APBA2: variants seen among roughly 807,000 people sequenced by gnomAD.
The protein encoded by APBA2 is amyloid-beta A4 precursor protein-binding family A member 2.
A neutral mutation model predicts 75.0 loss-of-function variants in APBA2; 30 were observed. The observed-to-expected ratio is 0.40, with a 90% CI of 0.30 to 0.54. The LOEUF is 0.54. Ranked by LOEUF, APBA2 falls within the 20% of genes least tolerant of loss-of-function variation. APBA2 has a pLI of 0.49. For synonymous variants in APBA2, 444 were observed against 409.6 expected (o/e 1.08, Z -1.01); for missense variants, 801 against 1,016.1 (o/e 0.79, Z 2.88).
chr15:28,922,785 T>C (rs1156562426), intron 2 of APBA2, among the ~76,000 whole-genome samples: 2 of 152,204 alleles, frequency 1.3e-5, no homozygotes, highest in Non-Finnish European at 2.9e-5. Flanking sequence ...TGTTCCTGCC[T>C]CTCAACCCAG....
Position 29,106,745 on chromosome 15 carries a change from G to A in APBA2, c.1843G>A (p.Gly615Arg). 1 of 1,612,992 alleles carries A rather than the reference G, an allele frequency of 6.2e-7. No homozygotes were observed. The highest frequency in any genetic ancestry group is 8.5e-7 in the Non-Finnish European group (1 of 1,179,978). Reference protein sequence around the residue: ...PAARSGKLSIGDQIMSINGTS... With the variant: ...PAARSGKLSIRDQIMSINGTS... ...TGCCCGCTCGGGGAAGCTGAGCATC[G>A]GGGACCAGATCATGTCCATCAATGG... is the stretch of plus-strand genomic sequence containing the variant. The change falls in exon 12 of 15, where the codon GGG becomes AGG. Residue 615 changes from glycine to arginine, a missense_variant. By Grantham distance (125) the Gly-to-Arg change is moderately radical. This residue lies in a region of APBA2 where 367 missense variants were observed against 544.5 expected (regional missense o/e 0.67). Coordinates refer to ENST00000683413, the MANE Select transcript of APBA2 (RefSeq NM_001353788.2).
intron 1 of APBA2, among the ~76,000 whole-genome samples, chr15:28,888,437 G>C (rs2031900887): frequency 6.6e-6 from 1 of 152,210 alleles, no homozygotes; most frequent in South Asian, 2.1e-4. Context: ...CTGTTGGAGT[G>C]GGGAGAGTGG....
chr15:29,113,646 G>A (rs146925557), intron 13 of APBA2, among the ~76,000 whole-genome samples: 5 of 152,304 alleles, frequency 3.3e-5, no homozygotes, highest in African/African-American at 9.6e-5. Context: ...AGGTTCCACC[G>A]TGGGAGTCAG....
intron 3 of APBA2, among the ~76,000 whole-genome samples, chr15:29,000,001 T>C (rs2038758359): frequency 6.6e-6 from 1 of 152,092 alleles, no homozygotes; most frequent in African/African-American, 2.4e-5. Context: ...AGAGAGTGAA[T>C]TCAACCCTCC....
intron 11 of APBA2, 121 bp from the exon 12 acceptor site, chr15:29,106,486 C>T: frequency 8.6e-7 from 1 of 1,163,850 alleles, no homozygotes; most frequent in Non-Finnish European, 1.2e-6. Flanking sequence ...ATGAGCCAGC[C>T]TTGGATCCCA....
intron 4 of APBA2, among the ~76,000 whole-genome samples, chr15:29,055,186 C>T (rs541917717): frequency 6.2e-4 from 94 of 152,262 alleles, no homozygotes; most frequent in Middle Eastern, 3.4e-3. Flanking sequence ...GCCCCTCAAT[C>T]CTCAGGGGTG....
intron 2 of APBA2, among the ~76,000 whole-genome samples, chr15:28,969,182 T>G (rs560636757): frequency 7.2e-6 from 1 of 138,746 alleles, no homozygotes; most frequent in Non-Finnish European, 1.5e-5. Context: ...CTTTCTTTCT[T>G]TTTTTTATTT....
At chr15:29,001,059 T>C (rs1163675142) in intron 3 of APBA2, among the ~76,000 whole-genome samples, 1 of 152,000 alleles carries the variant, frequency 6.6e-6, no homozygotes, top group Non-Finnish European at 1.5e-5. Context: ...TAGGTGGACA[T>C]CTGAGTCCAC....
chr15:29,085,985 G>A (rs1566989517), intron 6 of APBA2, among the ~76,000 whole-genome samples: 1 of 152,154 alleles, frequency 6.6e-6, no homozygotes, highest in Non-Finnish European at 1.5e-5. Flanking sequence ...CCTGTGTGGG[G>A]GATGGACTTA....
chr15:29,105,456 C>T lies in APBA2; in HGVS notation c.1602C>T (p.Asn534=), dbSNP rs2044348427. The change falls in exon 11 of 15, where the codon AAC becomes AAT. Residue 534 remains asparagine, a synonymous_variant. Coordinates refer to ENST00000683413, the MANE Select transcript of APBA2 (RefSeq NM_001353788.2). The part of the protein sequence containing the change: ...YQEFLRANGI[N]PEDLSQKEYS... ...AGTTCCTGCGAGCCAATGGCATCAA[C>T]CCCGAAGACTTGAGCCAGAAGGAAT... 1 of 1,613,812 alleles carries T rather than the reference C, an allele frequency of 6.2e-7. No homozygotes were observed. The highest frequency in any genetic ancestry group is 8.5e-7 in the Non-Finnish European group (1 of 1,180,046).
chr15:29,092,894 C>T (rs2043646216), intron 6 of APBA2, among the ~76,000 whole-genome samples, 181 bp from the exon 7 acceptor site: 1 of 152,172 alleles, frequency 6.6e-6, no homozygotes, highest in South Asian at 2.1e-4. Context: ...TTACTTGCAG[C>T]ACGGGGTAGT....
At chr15:28,980,537 C>G (rs2037566108) in intron 2 of APBA2, among the ~76,000 whole-genome samples, 1 of 152,142 alleles carries the variant, frequency 6.6e-6, no homozygotes, top group Admixed American at 6.5e-5. Context: ...TGAAAGAAAT[C>G]AGAGATGACA....
intron 3 of APBA2, among the ~76,000 whole-genome samples, chr15:29,031,929 C>A (rs575428058): frequency 1.7e-3 from 254 of 152,366 alleles, no homozygotes; most frequent in African/African-American, 6.0e-3. Flanking sequence ...GCAGGCCATG[C>A]ACAGGATGCT....
Position 29,106,597 on chromosome 15 carries a change from C to A in APBA2, c.1705-10C>A. On this transcript the variant is annotated splice_polypyrimidine_tract_variant and intron_variant, in intron 11 of 14. Transcript: ENST00000683413. ...CGCCAGCCCCTCTCACACTGCTGAT[C>A]CCTTTGCAGCTGCAGCTGGAGAAGC... 5.0e-6 allele frequency: 8 copies of A among 1,613,102 alleles called. No homozygotes were observed. Among genetic ancestry groups the A allele is most frequent in the Non-Finnish European group, 6.8e-6 (8 of 1,179,990 alleles).
intron 13 of APBA2, 148 bp from the exon 14 acceptor site, chr15:29,113,728 G>C (rs753439952): frequency 4.0e-6 from 4 of 988,498 alleles, no homozygotes; most frequent in Non-Finnish European, 6.0e-6. Context: ...CATATCATAA[G>C]GATCTCTGTC....
In APBA2 at chr15:29,054,653, G is replaced by C; in HGVS notation, c.769G>C (p.Gly257Arg). 7 of 1,614,104 alleles carry C rather than the reference G, an allele frequency of 4.3e-6. No homozygotes were observed. The highest frequency in any genetic ancestry group is 5.9e-6 in the Non-Finnish European group (7 of 1,180,018). The part of the protein sequence containing the change: ...EASPEHGPEP[G>R]PEDSVEACPP... ...CAGCCCCGAGCATGGGCCTGAGCCA[G>C]GGCCTGAGGACTCTGTAGAGGCCTG... is the stretch of plus-strand genomic sequence containing the variant. Residue 257 changes from glycine to arginine, a missense_variant, in exon 4 of 15, where the codon GGG becomes CGG. Gly to Arg is a moderately radical substitution (Grantham distance 125, BLOSUM62 -2). Coordinates refer to ENST00000683413, the MANE Select transcript of APBA2 (RefSeq NM_001353788.2). This position sits in a 1 kb window ranked among gnomAD's most constrained non-coding sequence, Gnocchi z 6.1.
intron 1 of APBA2, among the ~76,000 whole-genome samples, chr15:28,914,279 T>C (rs946595273): frequency 6.6e-6 from 1 of 152,148 alleles, no homozygotes; most frequent in Non-Finnish European, 1.5e-5. Flanking sequence ...GCAGCTCACC[T>C]CCGAGCCTGG....
Position 29,095,610 on chromosome 15 carries a change from TA to T in APBA2, c.1251+1300del, listed in dbSNP as rs556969170. ...TTATTGCCCACTGTTTTCTTCTGTT[TA>T]AACAGCAGGAGATTTAGTTCCCCCT... is the stretch of plus-strand genomic sequence containing the variant. On this transcript the variant is annotated intron_variant, in intron 8 of 14. Coordinates refer to ENST00000683413, the MANE Select transcript of APBA2 (RefSeq NM_001353788.2). Among the ~76,000 whole-genome samples, 19 of 152,342 alleles carry T rather than the reference TA, an allele frequency of 1.2e-4. No homozygotes were observed. The South Asian group carries it at 3.9e-3, about 32-fold the overall frequency.
rs151295064 is a variant in APBA2 at position 29,054,103 on chromosome 15, C to T, written c.219C>T (p.Ser73=). 7.5e-4 allele frequency: 1,207 copies of T among 1,614,054 alleles called. No individual in the cohort carries two copies. Among genetic ancestry groups the T allele is most frequent in the Non-Finnish European group, 9.9e-4 (1,168 of 1,180,046 alleles). The change falls in exon 4 of 15, where the codon AGC becomes AGT. Residue 73 remains serine (S), a synonymous_variant. Transcript: ENST00000683413. This position sits in a 1 kb window ranked among gnomAD's most constrained non-coding sequence, Gnocchi z 6.1. The stretch of plus-strand genomic sequence containing the variant: ...ACCACAGCCCCGATGGGGACTCCAG[C>T]TCTGACTACGTGAACAACACCTCTG... The part of the protein sequence containing the change: ...CHNHSPDGDS[S]SDYVNNTSEE...
Sources: allele counts gnomAD v4.1 joint callset (sites outside exome capture counted in the v4.1 genomes callset), GRCh38; gene constraint gnomAD v4.1.1; regional missense constraint gnomAD v4.1.1; non-coding constraint Gnocchi (gnomAD v3.1); transcripts MANE v1.5; gene names NCBI Gene and HGNC (gene_info 2026-07-23, HGNC 2026-07-21).